The following PRSS55 variants were observed in gnomAD, a reference collection of about 807,000 sequenced individuals.
The protein encoded by PRSS55 is probable serine protease UNQ9391/PRO34284.
In PRSS55, 41 loss-of-function variants were observed where a neutral mutation model predicts 23.6. The observed-to-expected ratio is 1.74, with a 90% CI of 1.35 to 2.26. PRSS55 has a LOEUF of 2.26. Ranked by LOEUF, PRSS55 falls within the 30% of genes most tolerant of loss-of-function variation. The pLI is 0.00. For missense variants in PRSS55, 669 were observed against 439.1 expected, an observed-to-expected ratio of 1.52 and a Z score of -4.68; for synonymous variants, 262 against 175.5, an observed-to-expected ratio of 1.49 and a Z score of -3.90.
At chr8:10,534,713 C>T (rs1563540597) in intron 4 of PRSS55, among the ~76,000 whole-genome samples, 3 of 152,086 alleles carry the variant, frequency 2.0e-5, no homozygotes, top group East Asian at 3.8e-4. Flanking sequence ...AAGTCTTAGC[C>T]AGAGCAATCA....
Position 10,531,189 on chromosome 8 carries a change from G to C in PRSS55, c.348-106G>C, listed in dbSNP as rs74331346. ...ATCAACAGCCCCAGTAGGGTTTAAAGGTCCTAGAGCTACATGGGATTTAGG... is the reference window on the plus strand; with the variant it reads ...ATCAACAGCCCCAGTAGGGTTTAAACGTCCTAGAGCTACATGGGATTTAGG... On this transcript the variant is annotated intron_variant, in intron 2 of 4. Coordinates refer to ENST00000328655, the MANE Select transcript of PRSS55 (RefSeq NM_198464.4). 1.6e-3 allele frequency: 2,275 copies of C among 1,381,568 alleles called. 32 individuals carry two copies. In the African/African-American group the frequency reaches 0.029, roughly 18 times the overall value. 85.6% of individuals were successfully genotyped at this position (1,381,568 alleles called of 1,614,324 possible).
At chr8:10,549,053 C>T (rs2117083363) in intron 4 of PRSS55, among the ~76,000 whole-genome samples, 1 of 152,292 alleles carries the variant, frequency 6.6e-6, no homozygotes, top group African/African-American at 2.4e-5. Flanking sequence ...GCAACCAAGG[C>T]TAGGTGGCCC....
rs974233736 is a variant in PRSS55 at position 10,535,914 on chromosome 8, C to T, written c.742-2562C>T. On this transcript the variant is annotated intron_variant, in intron 4 of 4. Transcript: ENST00000328655. Reference sequence around the variant, plus strand: ...AAAAAATGGGCAGAGGGGCCGGGAGCGGTGGTTCACGCCTCTAATCCCAGC... The same window carrying T: ...AAAAAATGGGCAGAGGGGCCGGGAGTGGTGGTTCACGCCTCTAATCCCAGC... Among the ~76,000 whole-genome samples the T allele has an allele frequency of 1.2e-4, 18 of 152,322 alleles. 1 individual carries two copies. The South Asian group carries it at 2.1e-3, about 18-fold the overall frequency.
At chr8:10,544,363 C>T (rs1812759220) in intron 4 of PRSS55, among the ~76,000 whole-genome samples, 1 of 151,872 alleles carries the variant, frequency 6.6e-6, no homozygotes, top group Non-Finnish European at 1.5e-5. Context: ...TTATCATTTG[C>T]ATAGTTTATC....
intron 3 of PRSS55, 90 bp from the exon 4 acceptor site, chr8:10,532,816 G>A: frequency 1.3e-6 from 2 of 1,528,176 alleles, no homozygotes; most frequent in Non-Finnish European, 8.9e-7. Flanking sequence ...GGGGCTGGGG[G>A]ACACAGGGCC....
rs1347943306 is a variant in PRSS55 at position 10,529,552 on chromosome 8, G to A, written c.200G>A (p.Arg67Lys). The change falls in exon 2 of 5, where the codon AGA becomes AAA. Residue 67 changes from arginine to lysine, a missense_variant. Physicochemically the swap from Arg to Lys is conservative, Grantham distance 26. Coordinates refer to ENST00000328655, the MANE Select transcript of PRSS55 (RefSeq NM_198464.4). ...SIFEGRTRYS[R>K]ITGGMEAEVG... ...TTCGAGGGAAGAACTCGGTATTCCAGAATCACAGGGGGGATGGAGGCGGAG... is the reference window on the plus strand; with the variant it reads ...TTCGAGGGAAGAACTCGGTATTCCAAAATCACAGGGGGGATGGAGGCGGAG... 1 of 1,614,228 alleles carries A rather than the reference G, an allele frequency of 6.2e-7. No homozygotes were observed. The highest frequency in any genetic ancestry group is 8.5e-7 in the Non-Finnish European group (1 of 1,180,036).
chr8:10,527,191 C>T (rs1812056165), intron 1 of PRSS55, among the ~76,000 whole-genome samples: 6 of 152,168 alleles, frequency 3.9e-5, no homozygotes, highest in South Asian at 2.1e-4. Context: ...TTAAAAATGC[C>T]CCATGAGCCT....
At chr8:10,537,159 G>A (rs541108643) in intron 4 of PRSS55, among the ~76,000 whole-genome samples, 7 of 152,272 alleles carry the variant, frequency 4.6e-5, no homozygotes, top group South Asian at 2.1e-4. Context: ...TCAGTATATC[G>A]AAGAGACATC....
At chr8:10,529,070 A>G (rs1326571281) in intron 1 of PRSS55, among the ~76,000 whole-genome samples, 7 of 152,144 alleles carry the variant, frequency 4.6e-5, no homozygotes, top group Non-Finnish European at 1.0e-4. Context: ...TTCCATCTCC[A>G]AAGCCCCCCT....
chr8:10,542,683 G>C (rs1213757874), downstream of PRSS55, among the ~76,000 whole-genome samples: 3 of 151,270 alleles, frequency 2.0e-5, no homozygotes, highest in African/African-American at 7.3e-5. Context: ...GCCTGGCCAA[G>C]ATGGTGAAAC....
At chr8:10,552,020 C>CG (rs1260188205) in intron 4 of PRSS55, among the ~76,000 whole-genome samples, 1 of 152,154 alleles carries the variant, frequency 6.6e-6, no homozygotes, top group Admixed American at 6.5e-5. Flanking sequence ...CAGAACGTGC[C>CG]GGAAGTTACT....
At chr8:10,550,913 T>C (rs1277032544) in intron 4 of PRSS55, among the ~76,000 whole-genome samples, 3 of 152,224 alleles carry the variant, frequency 2.0e-5, no homozygotes, top group Non-Finnish European at 4.4e-5. Flanking sequence ...TATCCTGTCT[T>C]CTTTCACATT....
chr8:10,544,259 G>A (rs1420206328), intron 4 of PRSS55, among the ~76,000 whole-genome samples: 2 of 152,076 alleles, frequency 1.3e-5, no homozygotes. Context: ...TGACCCTTTA[G>A]TCATTATAAA....
chr8:10,527,561 T>A (rs1812077306), intron 1 of PRSS55, among the ~76,000 whole-genome samples: 1 of 152,230 alleles, frequency 6.6e-6, no homozygotes, highest in South Asian at 2.1e-4. Context: ...GGAAGGCCAC[T>A]CTGAAGAAGG....
intron 4 of PRSS55, among the ~76,000 whole-genome samples, chr8:10,536,294 C>G (rs1409001576): frequency 6.6e-6 from 1 of 152,128 alleles, no homozygotes; most frequent in East Asian, 1.9e-4. Context: ...TAGAGAAATG[C>G]AAATCAAAGC....
At chr8:10,531,566 C>A in intron 3 of PRSS55, 21 bp downstream of exon 3, 1 of 1,610,498 alleles carries the variant, frequency 6.2e-7, no homozygotes. Flanking sequence ...GCTCAGCTTC[C>A]CCTGGGGAAA....
At chr8:10,533,171 G>T in intron 4 of PRSS55, 123 bp downstream of exon 4, 1 of 1,063,582 alleles carries the variant, frequency 9.4e-7, no homozygotes, top group Non-Finnish European at 1.3e-6. Context: ...TGGGAATTAG[G>T]GCCTGCAGCC....
intron 4 of PRSS55, among the ~76,000 whole-genome samples, chr8:10,546,880 T>G (rs1037088810): frequency 1.3e-4 from 20 of 152,090 alleles, no homozygotes; most frequent in African/African-American, 4.3e-4. Flanking sequence ...AAGTTCCCCC[T>G]ATGTTTCCCA....
chr8:10,554,101 G>A lies in PRSS55; in HGVS notation c.*69G>A. ...AACATACCCTTGGGCATAGCCTTGA[G>A]TTGAAAATCTTTGAGGGTGTTTTCT... On this transcript the variant is annotated 3_prime_UTR_variant, in exon 5 of 5. Coordinates refer to the PRSS55 transcript ENST00000522210. 4.9e-6 allele frequency: 5 copies of A among 1,019,784 alleles called. No homozygotes were observed. In the South Asian group the frequency reaches 7.0e-5, roughly 14 times the overall value. 63.2% of individuals were successfully genotyped at this position (1,019,784 alleles called of 1,614,324 possible). A position where few individuals can be genotyped will look rare whatever the true frequency, so the allele number is the denominator to read the frequency against.
Sources: allele counts gnomAD v4.1 joint callset (sites outside exome capture counted in the v4.1 genomes callset), GRCh38; gene constraint gnomAD v4.1.1; transcripts MANE v1.5; gene names NCBI Gene and HGNC (gene_info 2026-07-23, HGNC 2026-07-21).